PGAP4: variants seen among roughly 807,000 people sequenced by gnomAD.
PGAP4 encodes post-GPI attachment to proteins GalNAc transferase 4, also known as GPI-N-acetylgalactosamine transferase PGAP4.
PGAP4 carries 12 observed loss-of-function variants against 28.2 expected under a neutral mutation model. That is an observed-to-expected ratio of 0.42 (90% CI 0.27 to 0.69). The LOEUF (loss-of-function observed/expected upper bound fraction) is 0.69, where lower values mean the gene tolerates loss of function less well. Ranked by LOEUF, PGAP4 falls within the 30% of genes least tolerant of loss-of-function variation. The probability of loss-of-function intolerance (pLI) is 0.22; values close to 1 mark genes in which losing one functional copy is unlikely to be tolerated. For synonymous variants in PGAP4, 205 were observed against 211.8 expected, an observed-to-expected ratio of 0.97 and a Z score of 0.28; for missense variants, 425 against 513.5, an observed-to-expected ratio of 0.83 and a Z score of 1.67.
rs545075892 is a variant in PGAP4, at chr9:101,527,642, G to A, written c.-165+3706C>T. On this transcript the variant is annotated intron_variant, in intron 2 of 3. Coordinates refer to the PGAP4 transcript ENST00000374851. ...ACAATTTTCTCATGGGCCACTTAAT[G>A]TTTACTTAAAATATTTTAATTGTAA... Among the ~76,000 whole-genome samples the A allele has an allele frequency of 4.5e-4, 69 of 152,174 alleles. 2 individuals are homozygous for A. The South Asian group carries it at 0.01, about 23-fold the overall frequency.
chr9:101,530,903 T>C (rs1227997666), intron 2 of PGAP4, among the ~76,000 whole-genome samples: 2 of 152,124 alleles, frequency 1.3e-5, no homozygotes, highest in Non-Finnish European at 2.9e-5. Flanking sequence ...GTTTGTTTGT[T>C]TGTTTGTTTT....
intron 1 of PGAP4, among the ~76,000 whole-genome samples, chr9:101,483,714 G>A (rs895072446): frequency 1.3e-5 from 2 of 151,824 alleles, no homozygotes; most frequent in African/African-American, 4.8e-5. Context: ...CTGCTTTCAT[G>A]TACATGATCA....
chr9:101,483,860 T>C (rs1365953865), intron 1 of PGAP4, among the ~76,000 whole-genome samples: 1 of 152,176 alleles, frequency 6.6e-6, no homozygotes, highest in Non-Finnish European at 1.5e-5. Flanking sequence ...AATTAAAAAG[T>C]CATTAATAAA....
Position 101,523,619 on chromosome 9 carries a change from C to CATTTTTTTTTTTTTTTTTTTTTTTTTT in PGAP4, c.-165+7728_-165+7729insAAAAAAAAAAAAAAAAAAAAAAAAAAT, listed in dbSNP as rs1245170432. Among the ~76,000 whole-genome samples the CATTTTTTTTTTTTTTTTTTTTTTTTTT allele has an allele frequency of 3.0e-4, 18 of 59,348 alleles. 1 individual carries two copies. Among genetic ancestry groups the CATTTTTTTTTTTTTTTTTTTTTTTTTT allele is most frequent in the African/African-American group, 6.4e-4 (9 of 14,128 alleles). The allele number at this position is 59,348 out of a possible 152,430, so 38.9% of individuals were successfully genotyped here. ...ACATTTCTCCCCTCACTTCTTGTAT[C>CATTTTTTTTTTTTTTTTTTTTTTTTTT]TTTTTTTTTTTTTTTTTTTTTTTTT... On this transcript the variant is annotated intron_variant, in intron 2 of 3. Transcript: ENST00000374851.
chr9:101,530,176 C>T (rs1827075186), intron 2 of PGAP4, among the ~76,000 whole-genome samples: 1 of 152,204 alleles, frequency 6.6e-6, no homozygotes, highest in African/African-American at 2.4e-5. Flanking sequence ...ATTAAGCCTA[C>T]CCTCAGTAGT....
At chr9:101,493,016 A>G (rs2118575718) in intron 2 of PGAP4, among the ~76,000 whole-genome samples, 1 of 152,004 alleles carries the variant, frequency 6.6e-6, no homozygotes, top group African/African-American at 2.4e-5. Context: ...GCACTTTGGG[A>G]GGCCGAGGCG....
chr9:101,515,955 A>G lies in PGAP4; in HGVS notation c.-165+15393T>C, dbSNP rs192747781. Among the ~76,000 whole-genome samples, 1,197 of 152,272 alleles carry G rather than the reference A, an allele frequency of 7.9e-3. 9 individuals are homozygous for G. Among genetic ancestry groups the G allele is most frequent in the Non-Finnish European group, 0.012 (800 of 67,990 alleles). ...AAATTTCAAGTGTCTCACCACAAAA[A>G]AAATGGGTGAGGTGATGAATATGTT... is the stretch of plus-strand genomic sequence containing the variant. On this transcript the variant is annotated intron_variant, in intron 2 of 3. Coordinates refer to the PGAP4 transcript ENST00000374851.
Position 101,475,814 on chromosome 9 carries a change from T to C in PGAP4, c.*67A>G. ...TGAAATACCTGCAGGCAACCATGTCTAAATAAAGAGATAAATATTTGAATC... is the reference window on the plus strand; with the variant it reads ...TGAAATACCTGCAGGCAACCATGTCCAAATAAAGAGATAAATATTTGAATC... On this transcript the variant is annotated 3_prime_UTR_variant, in exon 2 of 2. Coordinates refer to ENST00000374848, the MANE Select transcript of PGAP4 (RefSeq NM_032342.3). 2.0e-6 allele frequency: 3 copies of C among 1,500,912 alleles called. No individual in the cohort carries two copies. Among genetic ancestry groups the C allele is most frequent in the Non-Finnish European group, 2.7e-6 (3 of 1,102,600 alleles). The allele number at this position is 1,500,912 out of a possible 1,614,324, so 93.0% of individuals were successfully genotyped here.
intron 2 of PGAP4, among the ~76,000 whole-genome samples, chr9:101,513,093 C>T (rs1425428208): frequency 2.0e-5 from 3 of 152,130 alleles, no homozygotes; most frequent in African/African-American, 4.8e-5. Context: ...AATTTTAACC[C>T]TTACTTTGTT....
intron 1 of PGAP4, among the ~76,000 whole-genome samples, chr9:101,484,619 G>A (rs908561611): frequency 6.6e-6 from 1 of 152,186 alleles, no homozygotes; most frequent in East Asian, 1.9e-4. Flanking sequence ...AGAAAAGACA[G>A]GAGAGATCAC....
intron 2 of PGAP4, among the ~76,000 whole-genome samples, chr9:101,512,391 A>G (rs1826905404): frequency 6.6e-6 from 1 of 152,126 alleles, no homozygotes; most frequent in South Asian, 2.1e-4. Context: ...AGTGACCTGA[A>G]GTAACCTGAT....
chr9:101,486,315 T>C lies in PGAP4; in HGVS notation c.-78+634A>G, dbSNP rs955951268. 6.6e-6 allele frequency among the ~76,000 whole-genome samples: 1 copy of C among 152,140 alleles called. No homozygotes were observed. Among genetic ancestry groups the C allele is most frequent in the Non-Finnish European group, 1.5e-5 (1 of 68,016 alleles). ...TCCCACCCGTAGGCCGAGCTGACCG[T>C]CTCCATCGCTGCGCTCCTTCCCTTC... On this transcript the variant is annotated intron_variant, in intron 1 of 1. Coordinates refer to ENST00000374848, the MANE Select transcript of PGAP4 (RefSeq NM_032342.3). This position sits in a 1 kb window ranked among gnomAD's most constrained non-coding sequence, Gnocchi z 4.7.
At chr9:101,491,828 T>G (rs1329244143), upstream of PGAP4, among the ~76,000 whole-genome samples, 5 of 124,576 alleles carry the variant, frequency 4.0e-5, no homozygotes, top group East Asian at 9.1e-4. Flanking sequence ...TATATATATA[T>G]ATATATATAT....
chr9:101,524,163 C>T (rs992560773), intron 2 of PGAP4, among the ~76,000 whole-genome samples: 32 of 151,172 alleles, frequency 2.1e-4, no homozygotes, highest in African/African-American at 7.5e-4. Context: ...GCAATGGACT[C>T]CGTGAGGGTC....
At chr9:101,520,682 C>G (rs1460627957) in intron 2 of PGAP4, among the ~76,000 whole-genome samples, 2 of 152,142 alleles carry the variant, frequency 1.3e-5, no homozygotes, top group African/African-American at 4.8e-5. Flanking sequence ...GTTTGACTTC[C>G]TCTTTACCGA....
chr9:101,520,404 T>A (rs1289361363), intron 2 of PGAP4, among the ~76,000 whole-genome samples: 2 of 152,222 alleles, frequency 1.3e-5, no homozygotes, highest in African/African-American at 4.8e-5. Flanking sequence ...GTTTTATAAT[T>A]TTCCTTGTAG....
Position 101,477,151 on chromosome 9 carries a change from G to A in PGAP4, c.-59C>T. On this transcript the variant is annotated 5_prime_UTR_variant, in exon 2 of 2. Coordinates refer to ENST00000374848, the MANE Select transcript of PGAP4 (RefSeq NM_032342.3). Reference sequence around the variant, plus strand: ...AAAAACCATCCTGGAACTCAGGCCAGAGTCATCAGAAATCAAACCTAAAGA... The same window carrying A: ...AAAAACCATCCTGGAACTCAGGCCAAAGTCATCAGAAATCAAACCTAAAGA... 1 of 1,493,600 alleles carries A rather than the reference G, an allele frequency of 6.7e-7. No individual in the cohort carries two copies. Among genetic ancestry groups the A allele is most frequent in the East Asian group, 2.3e-5 (1 of 43,204 alleles). The allele number at this position is 1,493,600 out of a possible 1,614,324, so 92.5% of individuals were successfully genotyped here.
chr9:101,497,072 G>C (rs1826758267), intron 2 of PGAP4, among the ~76,000 whole-genome samples: 1 of 150,650 alleles, frequency 6.6e-6, no homozygotes, highest in African/African-American at 2.4e-5. Flanking sequence ...CTCATTTATA[G>C]ATGAGAACTA....
At chr9:101,494,170 T>G (rs755849903) in intron 2 of PGAP4, among the ~76,000 whole-genome samples, 1 of 152,144 alleles carries the variant, frequency 6.6e-6, no homozygotes, top group South Asian at 2.1e-4. Context: ...TTCTTGAAGA[T>G]AGGCATTTTA....
Sources: allele counts gnomAD v4.1 joint callset (sites outside exome capture counted in the v4.1 genomes callset), GRCh38; gene constraint gnomAD v4.1.1; non-coding constraint Gnocchi (gnomAD v3.1); transcripts MANE v1.5; gene names NCBI Gene and HGNC (gene_info 2026-07-23, HGNC 2026-07-21).